Variants in LAYN observed in about 807,000 individuals in gnomAD.
LAYN encodes layilin.
A neutral mutation model predicts 43.6 loss-of-function variants in LAYN; 38 were observed. The observed-to-expected ratio is 0.87, with a 90% CI of 0.67 to 1.14. The LOEUF is 1.14. Ranked by LOEUF, LAYN falls within the 50% of genes most tolerant of loss-of-function variation. LAYN has a pLI of 0.00. For missense variants in LAYN, 479 were observed against 463.8 expected, an observed-to-expected ratio of 1.03 and a Z score of -0.30; for synonymous variants, 168 against 172.9, an observed-to-expected ratio of 0.97 and a Z score of 0.22.
intron 5 of LAYN, 132 bp from the exon 6 acceptor site, chr11:111,557,409 A>T (rs866416802): frequency 1.1e-4 from 79 of 725,792 alleles, no homozygotes; most frequent in African/African-American, 1.1e-3. Context: ...TTGTTTTTTA[A>T]TTTTTTAATT....
intron 6 of LAYN, 99 bp from the exon 7 acceptor site, chr11:111,559,996 G>A: frequency 7.1e-7 from 1 of 1,403,956 alleles, no homozygotes; most frequent in Non-Finnish European, 9.6e-7. Flanking sequence ...GCAGCTGGGT[G>A]ACTGCCCAGG....
intron 1 of LAYN, chr11:111,541,443 C>A: frequency 2.0e-6 from 2 of 979,208 alleles, no homozygotes; most frequent in Non-Finnish European, 3.1e-6. Context: ...ATGGCTGGGT[C>A]GAGCGCCCGG....
At chr11:111,550,689 T>G (rs963446781) in intron 3 of LAYN, among the ~76,000 whole-genome samples, 4 of 152,182 alleles carry the variant, frequency 2.6e-5, no homozygotes, top group African/African-American at 9.7e-5. Flanking sequence ...CTCCCCACCA[T>G]ACAGCGTTGT....
intron 2 of LAYN, among the ~76,000 whole-genome samples, chr11:111,545,031 T>C (rs1385530026): frequency 2.0e-5 from 3 of 148,492 alleles, no homozygotes; most frequent in Non-Finnish European, 4.4e-5. Flanking sequence ...ATATACCTAC[T>C]ATGTACCCCC....
At chr11:111,548,333 T>G (rs1323878187) in intron 2 of LAYN, among the ~76,000 whole-genome samples, 1 of 152,196 alleles carries the variant, frequency 6.6e-6, no homozygotes, top group East Asian at 1.9e-4. Flanking sequence ...ACCTGGCCTC[T>G]CTATCAGTGA....
Position 111,542,319 on chromosome 11 carries a change from G to A in LAYN, c.85+1391G>A, listed in dbSNP as rs181476334. 1.6e-3 allele frequency among the ~76,000 whole-genome samples: 247 copies of A among 152,346 alleles called. 2 individuals carry two copies. Among genetic ancestry groups the A allele is most frequent in the African/African-American group, 5.7e-3 (238 of 41,586 alleles). ...GTGCTGCTGGACCAGTCTAATTAGA[G>A]TTTCTCTATTATCAGCAATAGCCAA... On this transcript the variant is annotated intron_variant, in intron 1 of 6. Coordinates refer to ENST00000375614, the MANE Select transcript of LAYN (RefSeq NM_178834.5).
chr11:111,555,443 G>C (rs1867820568), intron 5 of LAYN, among the ~76,000 whole-genome samples, 153 bp downstream of exon 5: 2 of 152,146 alleles, frequency 1.3e-5, no homozygotes, highest in African/African-American at 4.8e-5. Context: ...TGTACTAAAT[G>C]CTAGGTTTCA....
chr11:111,541,279 T>G (rs1867532002), intron 1 of LAYN: 1 of 600,792 alleles, frequency 1.7e-6, no homozygotes, highest in East Asian at 2.8e-5. Context: ...ATCGAATCAG[T>G]CCTTGGGACC....
At chr11:111,552,582 A>G (rs144621398) in intron 3 of LAYN, among the ~76,000 whole-genome samples, 2 of 152,386 alleles carry the variant, frequency 1.3e-5, no homozygotes, top group East Asian at 1.9e-4. Flanking sequence ...GCACAGGCAT[A>G]TTCAGTGAAT....
chr11:111,556,515 A>G (rs1001845409), intron 5 of LAYN, among the ~76,000 whole-genome samples: 1 of 152,214 alleles, frequency 6.6e-6, no homozygotes, highest in African/African-American at 2.4e-5. Flanking sequence ...GGGCTCATGA[A>G]TAACAAATTC....
Position 111,560,188 on chromosome 11 carries a change from T to A in LAYN, c.855T>A (p.Asn285Lys), listed in dbSNP as rs142196082. 2.1e-4 allele frequency: 340 copies of A among 1,614,156 alleles called. No individual in the cohort carries two copies. The highest frequency in any genetic ancestry group is 2.7e-4 in the Admixed American group (16 of 60,026). ...QGNSPDLEVYNVIRKQSEADL... is the reference protein window; with the variant it reads ...QGNSPDLEVYKVIRKQSEADL... ...ACAGCCCGGACCTAGAGGTCTACAA[T>A]GTCATAAGAAAACAAAGCGAAGCTG... The change falls in exon 7 of 7, where the codon AAT (asparagine) becomes AAA (lysine). Residue 285 changes from asparagine (N) to lysine (K), a missense_variant. Transcript: ENST00000375614.
At position 111,549,611 on chromosome 11, in the gene LAYN, C is replaced by G. The variant is rs1471145779; in HGVS notation, c.384-7C>G. 2 of 1,529,878 alleles carry G rather than the reference C, an allele frequency of 1.3e-6. No homozygotes were observed. Among genetic ancestry groups the G allele is most frequent in the Non-Finnish European group, 1.7e-6 (2 of 1,145,820 alleles). 94.8% of individuals were successfully genotyped at this position (1,529,878 alleles called of 1,614,324 possible). A position where few individuals can be genotyped will look rare whatever the true frequency, so the allele number is the denominator to read the frequency against. ...AGTTGCCTCTACTGCTGATCCCTTC[C>G]CTACAGGAACTGGTATGTGGATGAG... On this transcript the variant is annotated splice_polypyrimidine_tract_variant and splice_region_variant and intron_variant, in intron 2 of 6. Transcript: ENST00000375614.
rs551545604 is a variant in LAYN at position 111,541,184 on chromosome 11, G to C, written c.85+256G>C. 73 of 593,138 alleles carry C rather than the reference G, an allele frequency of 1.2e-4. 2 individuals carry two copies. The East Asian group carries it at 2.0e-3, about 16-fold the overall frequency. The allele number at this position is 593,138 out of a possible 1,614,324, so 36.7% of individuals were successfully genotyped here. On this transcript the variant is annotated intron_variant, in intron 1 of 6. Transcript: ENST00000375614. Reference sequence around the variant, plus strand: ...AGCCCGTTCCCAGTCCAGAGTTATGGGGGTGGGTTGGAGAATGTAGGAGAG... The same window carrying C: ...AGCCCGTTCCCAGTCCAGAGTTATGCGGGTGGGTTGGAGAATGTAGGAGAG...
upstream of LAYN, chr11:111,540,686 AC>A: frequency 1.6e-6 from 1 of 644,220 alleles, no homozygotes; most frequent in Non-Finnish European, 2.5e-6. Context: ...CGGAGGGGCG[AC>A]CGACTGACTC....
chr11:111,547,052 C>T (rs1867660245), intron 2 of LAYN, among the ~76,000 whole-genome samples: 1 of 152,192 alleles, frequency 6.6e-6, no homozygotes, highest in South Asian at 2.1e-4. Context: ...GACTCCTACT[C>T]AAAATGGCTG....
At position 111,561,160 on chromosome 11, in the gene LAYN, G is replaced by A. The variant is rs1456636047; in HGVS notation, c.*702G>A. ...GGATAGCTTGAGTTCAGGAGTTCCA[G>A]ACCTTCCTGGGCAAAATAGTGAGAC... On this transcript the variant is annotated 3_prime_UTR_variant, in exon 7 of 7. Coordinates refer to ENST00000375614, the MANE Select transcript of LAYN (RefSeq NM_178834.5). 6.6e-6 allele frequency: 1 copy of A among 152,536 alleles called. No homozygotes were observed. Among genetic ancestry groups the A allele is most frequent in the African/African-American group, 2.4e-5 (1 of 41,448 alleles). 9.4% of individuals were successfully genotyped at this position (152,536 alleles called of 1,614,324 possible). A position where few individuals can be genotyped will look rare whatever the true frequency, so the allele number is the denominator to read the frequency against.
At chr11:111,551,077 G>A (rs1867735705) in intron 3 of LAYN, among the ~76,000 whole-genome samples, 1 of 152,160 alleles carries the variant, frequency 6.6e-6, no homozygotes, top group South Asian at 2.1e-4. Flanking sequence ...GCAAGAGATG[G>A]TAAAATATCC....
chr11:111,543,880 A>G, intron 1 of LAYN, 43 bp from the exon 2 acceptor site: 1 of 1,556,324 alleles, frequency 6.4e-7, no homozygotes, highest in Admixed American at 2.0e-5. Context: ...GCCCCGGTAT[A>G]CTTTTTGAGA....
intron 1 of LAYN, chr11:111,541,689 C>A: frequency 2.0e-6 from 2 of 988,838 alleles, no homozygotes; most frequent in Non-Finnish European, 3.1e-6. Context: ...AACAGCTTGA[C>A]CAAACGGGAC....
Sources: allele counts gnomAD v4.1 joint callset (sites outside exome capture counted in the v4.1 genomes callset), GRCh38; gene constraint gnomAD v4.1.1; transcripts MANE v1.5; gene names NCBI Gene and HGNC (gene_info 2026-07-23, HGNC 2026-07-21).